Variants in PCDHGA5 observed in about 807,000 individuals in gnomAD.
The protein encoded by PCDHGA5 is protocadherin gamma subfamily A, 5.
A neutral mutation model predicts 56.7 loss-of-function variants in PCDHGA5; 36 were observed. The observed-to-expected ratio is 0.64, with a 90% CI of 0.49 to 0.84. The LOEUF (loss-of-function observed/expected upper bound fraction) is 0.84. Ranked by LOEUF, PCDHGA5 falls within the 40% of genes least tolerant of loss-of-function variation. The pLI, the probability that PCDHGA5 is intolerant of heterozygous loss-of-function variation, is 0.00. For synonymous variants in PCDHGA5, 563 were observed against 520.2 expected (o/e 1.08, Z -1.12); for missense variants, 1,305 against 1,201.5 (o/e 1.09, Z -1.27).
At chr5:141,471,801 CAT>C (rs1165290367) in intron 1 of PCDHGA5, among the ~76,000 whole-genome samples, 1 of 152,114 alleles carries the variant, frequency 6.6e-6, no homozygotes, top group African/African-American at 2.4e-5. Context: ...ATATAAAAGA[CAT>C]ATAAAAGACT....
At chr5:141,426,021 A>G (rs1590662256) in intron 1 of PCDHGA5, among the ~76,000 whole-genome samples, 2 of 152,312 alleles carry the variant, frequency 1.3e-5, no homozygotes, top group East Asian at 3.9e-4. Context: ...AGTTTTCTAA[A>G]TAGACTCAGA....
chr5:141,412,559 G>C (rs1408913988), intron 1 of PCDHGA5: 2 of 152,100 alleles, frequency 1.3e-5, no homozygotes, highest in African/African-American at 4.8e-5. Context: ...TATCTCATGA[G>C]TTTATTTAAT....
In PCDHGA5 at chr5:141,460,596, C is replaced by A. The variant is rs930441447; in HGVS notation, c.2422-34211C>A. On this transcript the variant is annotated intron_variant, in intron 1 of 3. Transcript: ENST00000518069. ...TGTAGGTGTGGGTTTTTTCTGGGCT[C>A]TCTGTGTTAGATGGATAGATAGACA... Among the ~76,000 whole-genome samples the A allele has an allele frequency of 1.3e-5, 2 of 151,986 alleles. 1 individual carries two copies. The highest frequency in any genetic ancestry group is 4.1e-4 in the South Asian group (2 of 4,824).
intron 1 of PCDHGA5, chr5:141,478,511 C>CA: frequency 3.1e-6 from 5 of 1,611,778 alleles, no homozygotes; most frequent in Non-Finnish European, 4.2e-6. Context: ...GTTCTATAGG[C>CA]AGGTGTTGGG....
intron 1 of PCDHGA5, chr5:141,385,445 T>A (rs2150293072): frequency 1.4e-6 from 2 of 1,450,040 alleles, no homozygotes; most frequent in Non-Finnish European, 1.8e-6. Context: ...TAAAAATGAG[T>A]TTACCAGTTT....
intron 1 of PCDHGA5, chr5:141,410,800 T>G: frequency 1.5e-6 from 1 of 678,550 alleles, no homozygotes. Context: ...TAAGTTGCTC[T>G]ATCTTTTTGT....
chr5:141,394,229 T>C, intron 1 of PCDHGA5: 1 of 1,613,872 alleles, frequency 6.2e-7, no homozygotes, highest in Non-Finnish European at 8.5e-7. Flanking sequence ...CCTCCATCTT[T>C]TCCTTGACTG....
chr5:141,389,875 A>G (rs753159908), intron 1 of PCDHGA5: 2 of 1,613,946 alleles, frequency 1.2e-6, no homozygotes, highest in African/African-American at 2.7e-5. Flanking sequence ...GTCTTCGCCG[A>G]CAGCTTGCAG....
At chr5:141,439,631 A>G (rs1459977985) in intron 1 of PCDHGA5, among the ~76,000 whole-genome samples, 2 of 152,214 alleles carry the variant, frequency 1.3e-5, no homozygotes, top group African/African-American at 2.4e-5. Context: ...ATCCCCAGAC[A>G]TTCCGGCTTG....
intron 1 of PCDHGA5, chr5:141,408,114 C>T (rs1191565539): frequency 5.5e-6 from 8 of 1,460,968 alleles, no homozygotes; most frequent in South Asian, 1.4e-5. Context: ...CGGGACTCCT[C>T]CTGTCCTGGG....
chr5:141,372,340 G>C, intron 1 of PCDHGA5: 1 of 1,613,790 alleles, frequency 6.2e-7, no homozygotes, highest in Non-Finnish European at 8.5e-7. Flanking sequence ...GTGCGTGATG[G>C]AGGACAGCAG....
chr5:141,430,926 C>T, intron 1 of PCDHGA5: 1 of 1,607,426 alleles, frequency 6.2e-7, no homozygotes, highest in Non-Finnish European at 8.5e-7. Flanking sequence ...GGGCTGGAGC[C>T]CCGGGAGCTC....
chr5:141,418,620 A>T lies in PCDHGA5; in HGVS notation c.2421+51869A>T, dbSNP rs762197476. 180 of 1,613,904 alleles carry T rather than the reference A, an allele frequency of 1.1e-4. No homozygotes were observed. The highest frequency in any genetic ancestry group is 1.5e-4 in the Non-Finnish European group (172 of 1,179,900). On this transcript the variant is annotated intron_variant, in intron 1 of 3. Coordinates refer to ENST00000518069, the MANE Select transcript of PCDHGA5 (RefSeq NM_018918.3). The stretch of plus-strand genomic sequence containing the variant: ...GTGTACAGGGTTAGCCTTCGGGAAG[A>T]CGTGCCTCCAGGCACCTCCATCCTG...
At chr5:141,405,339 A>G in intron 1 of PCDHGA5, 1 of 1,614,178 alleles carries the variant, frequency 6.2e-7, no homozygotes, top group Non-Finnish European at 8.5e-7. Context: ...GTCTCTGTTG[A>G]TTCCAAGTTT....
intron 1 of PCDHGA5, chr5:141,408,226 G>T (rs909432449): frequency 2.1e-5 from 33 of 1,562,288 alleles, no homozygotes; most frequent in Admixed American, 3.9e-5. Flanking sequence ...GCGCGCAGAG[G>T]CGCCGGGCCG....
intron 1 of PCDHGA5, among the ~76,000 whole-genome samples, chr5:141,460,987 ATATATATATGTG>A (rs2099005819): frequency 1.1e-5 from 1 of 92,944 alleles, no homozygotes; most frequent in Admixed American, 9.9e-5. Flanking sequence ...GTGTGTGTAT[ATATATATATGTG>A]TATATATATA....
intron 1 of PCDHGA5, chr5:141,399,805 T>G (rs776266997): frequency 6.2e-7 from 1 of 1,613,192 alleles, no homozygotes; most frequent in Admixed American, 1.7e-5. Context: ...GCGGGTGCTG[T>G]ACCCCGCGCT....
intron 1 of PCDHGA5, chr5:141,393,501 G>A (rs754946327): frequency 1.2e-6 from 2 of 1,614,044 alleles, no homozygotes; most frequent in Non-Finnish European, 1.7e-6. Flanking sequence ...GCGCATCCAC[G>A]TGACAGTGTT....
intron 1 of PCDHGA5, chr5:141,428,390 C>T (rs1043799152): frequency 8.0e-5 from 40 of 502,004 alleles, no homozygotes; most frequent in African/African-American, 6.6e-4. Context: ...TCTTCCAGCC[C>T]CTCTGCCTGG....
Sources: allele counts gnomAD v4.1 joint callset (sites outside exome capture counted in the v4.1 genomes callset), GRCh38; gene constraint gnomAD v4.1.1; transcripts MANE v1.5; gene names NCBI Gene and HGNC (gene_info 2026-07-23, HGNC 2026-07-21).